ARB2A: variants seen among roughly 807,000 people sequenced by gnomAD.
The protein encoded by ARB2A is ARB2 cotranscriptional regulator A, also known as cotranscriptional regulator ARB2A.
the ARB2A span, among the ~76,000 whole-genome samples, chr5:93,869,742 T>C: frequency 9.2e-5 from 14 of 152,076 alleles, no homozygotes; most frequent in Non-Finnish European, 1.6e-4. Context: ...TTCTCTGTAA[T>C]CTCCCCCACC....
At chr5:93,737,230 T>C in the ARB2A span, 5 of 152,228 alleles carry the variant, frequency 3.3e-5, no homozygotes, top group Admixed American at 3.3e-4. Flanking sequence ...CAAATAACTT[T>C]AAGAAAGTGA....
the ARB2A span, among the ~76,000 whole-genome samples, chr5:93,830,307 G>GTGTGTGTA: frequency 1.6e-4 from 9 of 55,216 alleles, no homozygotes; most frequent in African/African-American, 6.7e-4. Context: ...ATATGTGTGT[G>GTGTGTGTA]TGTGTATATA....
At chr5:93,958,858 T>C in the ARB2A span, 22 of 1,609,410 alleles carry the variant, frequency 1.4e-5, no homozygotes, top group Non-Finnish European at 1.9e-5. Context: ...CCCACTGCCC[T>C]GCCCTGACAA....
chr5:93,741,066 G>A, the ARB2A span: 2 of 1,613,884 alleles, frequency 1.2e-6, no homozygotes, highest in Non-Finnish European at 1.7e-6. Flanking sequence ...GGGCCTCGAA[G>A]CGGCAGATGG....
chr5:94,047,202 A>G, the ARB2A span, among the ~76,000 whole-genome samples: 52 of 152,166 alleles, frequency 3.4e-4, no homozygotes, highest in African/African-American at 1.2e-3. Flanking sequence ...TTAAAAGTTA[A>G]ATGCTATGGC....
At chr5:93,799,973 T>C in the ARB2A span, among the ~76,000 whole-genome samples, 3 of 152,216 alleles carry the variant, frequency 2.0e-5, 1 homozygote, top group Non-Finnish European at 1.5e-5. Context: ...TCACTAAAAA[T>C]ATATTCAAAA....
chr5:93,722,366 C>T, the ARB2A span, among the ~76,000 whole-genome samples: 1 of 151,972 alleles, frequency 6.6e-6, no homozygotes, highest in Admixed American at 6.6e-5. Flanking sequence ...GGGACCTACT[C>T]CAACTTACTT....
chr5:94,015,855 A>G, the ARB2A span, among the ~76,000 whole-genome samples: 1 of 152,198 alleles, frequency 6.6e-6, no homozygotes, highest in Non-Finnish European at 1.5e-5. Context: ...CTTAATCACA[A>G]TGAAAGACAC....
At chr5:93,938,779 T>C in the ARB2A span, among the ~76,000 whole-genome samples, 168 of 152,340 alleles carry the variant, frequency 1.1e-3, no homozygotes, top group African/African-American at 3.9e-3. Context: ...TTATAATTTG[T>C]TAATTTCCAG....
chr5:94,041,337 A>T, the ARB2A span, among the ~76,000 whole-genome samples: 1 of 152,196 alleles, frequency 6.6e-6, no homozygotes, highest in African/African-American at 2.4e-5. Flanking sequence ...CAAACTGGTC[A>T]GTCATGTCCT....
the ARB2A span, among the ~76,000 whole-genome samples, chr5:93,950,961 A>T: frequency 6.6e-6 from 1 of 150,878 alleles, no homozygotes. Context: ...AAAAAAAATA[A>T]AATAAAATAA....
chr5:93,998,549 T>C, the ARB2A span, among the ~76,000 whole-genome samples: 142 of 152,110 alleles, frequency 9.3e-4, no homozygotes, highest in African/African-American at 3.3e-3. Context: ...TTATTTTTCC[T>C]GGAGCATAGA....
At chr5:93,800,381 T>TCACACACACA in the ARB2A span, among the ~76,000 whole-genome samples, 317 of 141,050 alleles carry the variant, frequency 2.2e-3, no homozygotes, top group South Asian at 6.7e-3. Flanking sequence ...CTGCATATTT[T>TCACACACACA]CACACACACA....
chr5:93,697,201 CT>C, the ARB2A span, among the ~76,000 whole-genome samples: 1 of 151,210 alleles, frequency 6.6e-6, no homozygotes, highest in African/African-American at 2.4e-5. Flanking sequence ...CTTCTCAAAT[CT>C]TTTTTTTAAT....
At chr5:93,766,374 T>C in the ARB2A span, among the ~76,000 whole-genome samples, 1 of 151,886 alleles carries the variant, frequency 6.6e-6, no homozygotes, top group African/African-American at 2.4e-5. Context: ...AATAAGTGGG[T>C]GAAGGATATG....
the ARB2A span, among the ~76,000 whole-genome samples, chr5:93,769,604 C>G: frequency 6.6e-6 from 1 of 152,094 alleles, no homozygotes; most frequent in Non-Finnish European, 1.5e-5. Flanking sequence ...CTGGTCCTAA[C>G]TCTCTTCTTA....
the ARB2A span, among the ~76,000 whole-genome samples, chr5:93,853,775 T>C: frequency 4.6e-5 from 7 of 152,232 alleles, no homozygotes; most frequent in Non-Finnish European, 7.3e-5. Flanking sequence ...GATTTGCGTA[T>C]ATTGAACCAG....
chr5:93,698,015 A>G, the ARB2A span, among the ~76,000 whole-genome samples: 1 of 152,180 alleles, frequency 6.6e-6, no homozygotes, highest in Non-Finnish European at 1.5e-5. Context: ...AATGCAATAC[A>G]GTCCCCAGAA....
the ARB2A span, among the ~76,000 whole-genome samples, chr5:93,920,395 C>T: frequency 6.6e-6 from 1 of 152,022 alleles, no homozygotes; most frequent in Non-Finnish European, 1.5e-5. Context: ...ATAAACATAC[C>T]ATTGACCCTT....
Sources: gnomAD v4.1 joint callset for allele counts (sites outside exome capture counted in the v4.1 genomes callset) on GRCh38, gnomAD v4.1.1 for gene constraint, MANE v1.5 for transcripts, NCBI Gene and HGNC (gene_info 2026-07-23, HGNC 2026-07-21) for gene names.